The following CDH2 variants were observed in gnomAD, a reference collection of about 807,000 sequenced individuals.
CDH2 encodes cadherin-2.
Under a neutral mutation model 92.0 loss-of-function variants are expected in CDH2, and 17 were observed. That is an observed-to-expected ratio of 0.18 (90% CI 0.13 to 0.28). The LOEUF is 0.28. CDH2 is among the 10% of genes least tolerant of loss of function. The probability of loss-of-function intolerance (pLI) is 1.00; values close to 1 mark genes in which losing one functional copy is unlikely to be tolerated. For missense variants in CDH2, 862 were observed against 1,133.1 expected (o/e 0.76, Z 3.44); for synonymous variants, 419 against 415.9 (o/e 1.01, Z -0.09).
intron 2 of CDH2, among the ~76,000 whole-genome samples, chr18:28,070,373 T>C (rs1255764144): frequency 6.6e-6 from 1 of 152,170 alleles, no homozygotes; most frequent in East Asian, 1.9e-4. Context: ...CTGTTTTAGC[T>C]GCTAAAGCTT....
intron 2 of CDH2, among the ~76,000 whole-genome samples, chr18:28,034,990 G>A (rs534921100): frequency 1.3e-5 from 2 of 152,004 alleles, no homozygotes; most frequent in South Asian, 4.2e-4. Context: ...TGTAACTCTG[G>A]AAAAGAAAAT....
chr18:28,028,572 G>T (rs2013616957), intron 2 of CDH2, among the ~76,000 whole-genome samples: 1 of 151,998 alleles, frequency 6.6e-6, no homozygotes, highest in African/African-American at 2.4e-5. Flanking sequence ...CATACATGAA[G>T]AAATAATATA....
At chr18:28,034,259 T>C (rs767320532) in intron 2 of CDH2, among the ~76,000 whole-genome samples, 3 of 152,088 alleles carry the variant, frequency 2.0e-5, no homozygotes, top group Non-Finnish European at 4.4e-5. Context: ...GCATACGCTA[T>C]AGTCTCAGAT....
At position 27,985,676 on chromosome 18, in the gene CDH2, C is replaced by T. The variant is rs778749402; in HGVS notation, c.1827G>A (p.Glu609=). ...NDNAPQVLPQ[E]AETCETPDPN... is the part of the protein sequence containing the mutation. ...GGTCTGGAGTTTCGCAAGTCTCTGC[C>T]TCTTGAGGTAACACTTGAGGGGCAT... Residue 609 remains glutamate, a synonymous_variant, in exon 12 of 16, where the codon GAG becomes GAA. Transcript: ENST00000269141. 1 of 1,613,888 alleles carries T rather than the reference C, an allele frequency of 6.2e-7. No individual in the cohort carries two copies. Among genetic ancestry groups the T allele is most frequent in the South Asian group, 1.1e-5 (1 of 91,068 alleles).
downstream of CDH2, among the ~76,000 whole-genome samples, chr18:27,948,527 C>G (rs994566027): frequency 6.6e-6 from 1 of 151,828 alleles, no homozygotes; most frequent in Admixed American, 6.6e-5. Flanking sequence ...ACTTGCTATA[C>G]ATTTCTGTAA....
chr18:28,075,871 T>C (rs1360282607), intron 2 of CDH2, among the ~76,000 whole-genome samples: 1 of 152,196 alleles, frequency 6.6e-6, no homozygotes, highest in African/African-American at 2.4e-5. Context: ...ATCTAAAAAC[T>C]TGCTTTGGGA....
intron 14 of CDH2, among the ~76,000 whole-genome samples, chr18:27,964,203 A>G (rs1485729333): frequency 6.6e-6 from 1 of 152,196 alleles, no homozygotes; most frequent in African/African-American, 2.4e-5. Flanking sequence ...TAGACCAGAG[A>G]GAGGGTGGAT....
At chr18:28,097,978 A>G (rs2015164668) in intron 2 of CDH2, among the ~76,000 whole-genome samples, 1 of 152,200 alleles carries the variant, frequency 6.6e-6, no homozygotes, top group Admixed American at 6.5e-5. Context: ...GCAAATAGCA[A>G]AAGTTTCAAT....
intron 2 of CDH2, among the ~76,000 whole-genome samples, chr18:28,123,039 A>G (rs975243856): frequency 2.0e-5 from 3 of 152,122 alleles, no homozygotes; most frequent in African/African-American, 7.2e-5. Flanking sequence ...GTGTTTTAAC[A>G]CTTTTTATAT....
rs140363357 is a variant in CDH2 at position 27,985,354 on chromosome 18, C to T, written c.1976-121G>A. The stretch of plus-strand genomic sequence containing the variant: ...ACACATAAAGCGGATTACAACTATG[C>T]TGCATTCTAAATACTTTTTTGGCCG... On this transcript the variant is annotated intron_variant, in intron 12 of 15. Transcript: ENST00000269141. 4,366 of 771,160 alleles carry T rather than the reference C, an allele frequency of 5.7e-3. 59 individuals are homozygous for T. The highest frequency in any genetic ancestry group is 0.03 in the South Asian group (1,617 of 54,030). The allele number at this position is 771,160 out of a possible 1,614,324, so 47.8% of individuals were successfully genotyped here. A position where few individuals can be genotyped will look rare whatever the true frequency, so the allele number is the denominator to read the frequency against.
chr18:28,162,069 G>A (rs1372688817), intron 1 of CDH2, among the ~76,000 whole-genome samples: 2 of 152,138 alleles, frequency 1.3e-5, no homozygotes, highest in Non-Finnish European at 2.9e-5. Context: ...TGTAATTTTG[G>A]TTCTCTATGT....
chr18:28,017,832 G>A, intron 2 of CDH2, among the ~76,000 whole-genome samples: 1 of 152,080 alleles, frequency 6.6e-6, no homozygotes, highest in Non-Finnish European at 1.5e-5. Context: ...AAAGTTGAAA[G>A]CATTCCCCCT....
intron 2 of CDH2, among the ~76,000 whole-genome samples, chr18:28,061,785 A>G (rs2014407525): frequency 6.6e-6 from 1 of 152,196 alleles, no homozygotes; most frequent in African/African-American, 2.4e-5. Flanking sequence ...AATGTCTTAC[A>G]TGGCGGCAGG....
chr18:28,146,372 C>T (rs1332989982), intron 2 of CDH2: 2 of 151,954 alleles, frequency 1.3e-5, no homozygotes, highest in Non-Finnish European at 2.9e-5. Flanking sequence ...GGGATACACA[C>T]AGAAGAACTC....
chr18:28,081,281 A>C (rs1181062113), intron 2 of CDH2, among the ~76,000 whole-genome samples: 1 of 152,154 alleles, frequency 6.6e-6, no homozygotes, highest in Non-Finnish European at 1.5e-5. Context: ...GATTCTCCCT[A>C]GCTGTACTTC....
chr18:28,026,474 G>T (rs2013556453), intron 2 of CDH2, among the ~76,000 whole-genome samples: 1 of 152,080 alleles, frequency 6.6e-6, no homozygotes, highest in Non-Finnish European at 1.5e-5. Context: ...GCCTTCCAGG[G>T]ATCACACCAG....
At chr18:28,074,691 C>CTT (rs33980354) in intron 2 of CDH2, among the ~76,000 whole-genome samples, 1 of 146,034 alleles carries the variant, frequency 6.8e-6, no homozygotes, top group African/African-American at 2.5e-5. Flanking sequence ...AAAGGAGGCC[C>CTT]TTTTTTTTTT....
At chr18:28,136,716 A>C (rs1341815026) in intron 2 of CDH2, among the ~76,000 whole-genome samples, 1 of 152,188 alleles carries the variant, frequency 6.6e-6, no homozygotes, top group Non-Finnish European at 1.5e-5. Flanking sequence ...ATCTAGACTA[A>C]TATGGTTGAC....
chr18:28,160,790 G>A (rs933195280), intron 1 of CDH2, among the ~76,000 whole-genome samples: 15 of 152,160 alleles, frequency 9.9e-5, no homozygotes, highest in African/African-American at 2.9e-4. Context: ...GAACAGGCTG[G>A]CTGCAAACCA....
Sources: allele counts gnomAD v4.1 joint callset (sites outside exome capture counted in the v4.1 genomes callset), GRCh38; gene constraint gnomAD v4.1.1; transcripts MANE v1.5; gene names NCBI Gene and HGNC (gene_info 2026-07-23, HGNC 2026-07-21).